MSL3: variants seen among roughly 807,000 people sequenced by gnomAD.
The protein encoded by MSL3 is MSL3-like 1.
A neutral mutation model predicts 37.2 loss-of-function variants in MSL3; 5 were observed. The observed-to-expected ratio is 0.13, with a 90% CI of 0.07 to 0.28. MSL3 has a LOEUF of 0.28. MSL3 is among the 10% of genes least tolerant of loss of function. MSL3 has a pLI of 1.00. For synonymous variants in MSL3, 149 were observed against 147.6 expected (o/e 1.01, Z -0.07); for missense variants, 315 against 408.5 (o/e 0.77, Z 1.97).
intron 9 of MSL3, chrX:11,768,245 A>G (rs778877863): frequency 9.7e-4 from 134 of 138,160 alleles, no homozygotes; most frequent in Middle Eastern, 6.5e-3. Context: ...AGCTCCTGGC[A>G]ACCACTAAGC....
chrX:11,758,897 C>T, intron 1 of MSL3: 1 of 707,477 alleles, frequency 1.4e-6, no homozygotes, highest in Non-Finnish European at 2.1e-6. Flanking sequence ...GCAAGGTTGG[C>T]CCAGTGTTTT....
At chrX:11,763,748 T>G in intron 7 of MSL3, 32 bp from the exon 8 acceptor site, 1 of 1,151,611 alleles carries the variant, frequency 8.7e-7, no homozygotes. Flanking sequence ...CTCTTACTTG[T>G]GTCTCTAATC....
rs142979283 is a variant in MSL3, at chrX:11,763,931, A to G, written c.901A>G (p.Thr301Ala). Residue 301 changes from threonine to alanine, a missense_variant, in exon 8 of 13, where the codon ACT becomes GCT. Transcript: ENST00000312196. ...FLPIKESATS[T>A]NRSQEELSPS... ...TCCAATTAAGGAAAGTGCCACAAGC[A>G]CTAACAGGTAAGTTATATAGCCTGC... 16 of 1,204,466 alleles carry G rather than the reference A, an allele frequency of 1.3e-5. No homozygotes were observed. The highest frequency in any genetic ancestry group is 1.7e-5 in the African/African-American group (1 of 57,244).
chrX:11,770,049 C>T (rs1429279503), intron 10 of MSL3, among the ~76,000 whole-genome samples: 13 of 113,098 alleles, frequency 1.1e-4, no homozygotes, highest in Non-Finnish European at 2.1e-4. Flanking sequence ...AACAAAGGGA[C>T]GTGGCTCTGC....
chrX:11,759,363 C>G (rs1169074252), intron 1 of MSL3, among the ~76,000 whole-genome samples: 1 of 111,390 alleles, frequency 9.0e-6, no homozygotes, highest in African/African-American at 3.3e-5. Context: ...GGGGGGGGCA[C>G]GCCCCATCAT....
At chrX:11,761,976 A>C (rs1234775455) in intron 5 of MSL3, among the ~76,000 whole-genome samples, 154 bp from the exon 6 acceptor site, 1 of 112,481 alleles carries the variant, frequency 8.9e-6, no homozygotes, top group Non-Finnish European at 1.9e-5. Flanking sequence ...GCCCCCAAAC[A>C]AGTTAACTTT....
intron 1 of MSL3, among the ~76,000 whole-genome samples, chrX:11,758,948 G>T (rs2053100483): frequency 8.9e-6 from 1 of 112,304 alleles, no homozygotes; most frequent in Admixed American, 9.3e-5. Flanking sequence ...TTCAAACTCT[G>T]AAGGATTTAC....
chrX:11,770,022 C>G (rs908325880), intron 10 of MSL3, among the ~76,000 whole-genome samples: 8 of 112,876 alleles, frequency 7.1e-5, no homozygotes, highest in African/African-American at 2.6e-4. Flanking sequence ...CTCTGCTGTT[C>G]CAGCAGGAAA....
intron 9 of MSL3, chrX:11,766,438 A>G (rs2053184208): frequency 4.0e-6 from 3 of 752,198 alleles, no homozygotes; most frequent in African/African-American, 4.6e-5. Context: ...AACATTAGCT[A>G]TTATACACTA....
At chrX:11,763,592 T>G (rs959010563) in intron 7 of MSL3, among the ~76,000 whole-genome samples, 188 bp from the exon 8 acceptor site, 3 of 113,019 alleles carry the variant, frequency 2.7e-5, no homozygotes, top group Non-Finnish European at 1.9e-5. Flanking sequence ...TGCTGTATTT[T>G]CTGCACTTTA....
rs1305756091 is a variant in MSL3, at chrX:11,768,580, T to C, written c.1179T>C (p.Pro393=). The C allele has an allele frequency of 8.4e-7, 1 of 1,183,982 alleles. No homozygotes were observed. Among genetic ancestry groups the C allele is most frequent in the Non-Finnish European group, 1.1e-6 (1 of 871,282 alleles). ...CATCTTTTTCTTTGGAAGAGACACC[T>C]GTGCATAGCAGATCATCTTCACCTA... The part of the protein sequence containing the change: ...KLFLHLEKKT[P]VHSRSSSPIP... Residue 393 remains proline (P), a synonymous_variant, in exon 10 of 13, where the codon CCT becomes CCC. Coordinates refer to ENST00000312196, the MANE Select transcript of MSL3 (RefSeq NM_078629.4).
chrX:11,766,652 C>T (rs2053186002), intron 9 of MSL3: 2 of 753,138 alleles, frequency 2.7e-6, no homozygotes, highest in African/African-American at 2.3e-5. Flanking sequence ...CACCTGGTGC[C>T]TCGCGGGCTC....
In MSL3 at chrX:11,765,607, G is replaced by A; in HGVS notation, c.1049G>A (p.Arg350Gln). 1 of 1,211,067 alleles carries A rather than the reference G, an allele frequency of 8.3e-7. No homozygotes were observed. The highest frequency in any genetic ancestry group is 1.1e-6 in the Non-Finnish European group (1 of 895,136). ...AEPEALQSLR[R>Q]STRHSANCDR... ...CCAGAAGCATTGCAGTCTCTGAGGC[G>A]GTCCACGCGCCACAGTGCCAACTGT... Residue 350 changes from arginine to glutamine, a missense_variant, in exon 9 of 13, where the codon CGG becomes CAG. Arg to Gln is a conservative substitution (Grantham distance 43, BLOSUM62 1). Transcript: ENST00000312196.
intron 10 of MSL3, chrX:11,769,209 T>C (rs996175797): frequency 8.8e-6 from 1 of 113,901 alleles, no homozygotes; most frequent in Non-Finnish European, 1.8e-5. Context: ...AAACAGGCAG[T>C]AGTTGGGCGG....
chrX:11,760,050 T>A, intron 2 of MSL3, 175 bp downstream of exon 2: 6 of 511,170 alleles, frequency 1.2e-5, no homozygotes, highest in Non-Finnish European at 1.8e-5. Context: ...TTTGTTTCAT[T>A]TCCTGTCTTT....
In MSL3 at chrX:11,772,872, T is replaced by C. The variant is rs779284734; in HGVS notation, c.1466+167T>C. ...AATGGGAATTAGGAGTGGGTTTTTTTGGTATTTCTTTTTTCCATAATTTCT... is the reference window on the plus strand; with the variant it reads ...AATGGGAATTAGGAGTGGGTTTTTTCGGTATTTCTTTTTTCCATAATTTCT... On this transcript the variant is annotated intron_variant, in intron 12 of 12. Coordinates refer to ENST00000312196, the MANE Select transcript of MSL3 (RefSeq NM_078629.4). Among the ~76,000 whole-genome samples the C allele has an allele frequency of 7.1e-5, 8 of 111,906 alleles. No individual in the cohort carries two copies. The East Asian group carries it at 2.2e-3, about 31-fold the overall frequency.
rs2053206373 is a variant in MSL3, at chrX:11,768,630, G to A, written c.1229G>A (p.Gly410Glu). The change falls in exon 10 of 13, where the codon GGG becomes GAG. Residue 410 changes from glycine to glutamate, a missense_variant. Coordinates refer to ENST00000312196, the MANE Select transcript of MSL3 (RefSeq NM_078629.4). ...ATTCCTCTGACTCCTAGCAAGGAAG[G>A]GAGTGCTGTGTTTGCTGGCTTTGAA... ...SPIPLTPSKE[G>E]SAVFAGFEGR... 1 of 1,208,152 alleles carries A rather than the reference G, an allele frequency of 8.3e-7. No homozygotes were observed. The highest frequency in any genetic ancestry group is 1.1e-6 in the Non-Finnish European group (1 of 892,147).
chrX:11,765,834 C>T (rs1420630079), intron 9 of MSL3, 105 bp downstream of exon 9: 10 of 1,130,186 alleles, frequency 8.8e-6, no homozygotes, highest in Non-Finnish European at 9.4e-6. Flanking sequence ...GTGTACAGTG[C>T]GTGTGATTCC....
chrX:11,761,160 T>G lies in MSL3; in HGVS notation c.382+223T>G, dbSNP rs139180017. On this transcript the variant is annotated intron_variant, in intron 4 of 12. Transcript: ENST00000312196. ...GACTACTGCCCTCTCGGCCAGCATC[T>G]TTGTACAAACCCCTCATGGGTGTGT... 837 of 390,450 alleles carry G rather than the reference T, an allele frequency of 2.1e-3. 13 individuals carry two copies. Among genetic ancestry groups the G allele is most frequent in the African/African-American group, 0.019 (746 of 38,943 alleles). The allele number at this position is 390,450 out of a possible 1,213,427, so 32.2% of individuals were successfully genotyped here.
Sources: gnomAD v4.1 joint callset for allele counts (sites outside exome capture counted in the v4.1 genomes callset) on GRCh38, gnomAD v4.1.1 for gene constraint, MANE v1.5 for transcripts, NCBI Gene and HGNC (gene_info 2026-07-23, HGNC 2026-07-21) for gene names.